RPS6KA2: variants seen among roughly 807,000 people sequenced by gnomAD.
RPS6KA2 encodes the protein ribosomal protein S6 kinase A2, also known as ribosomal protein S6 kinase alpha-2.
Under a neutral mutation model 91.8 loss-of-function variants are expected in RPS6KA2, and 42 were observed. The observed-to-expected ratio is 0.46, with a 90% CI of 0.36 to 0.59. The LOEUF is 0.59. Ranked by LOEUF, RPS6KA2 falls within the 20% of genes least tolerant of loss-of-function variation. The pLI is 0.00. For synonymous variants in RPS6KA2, 414 were observed against 393.6 expected, an observed-to-expected ratio of 1.05 and a Z score of -0.61; for missense variants, 798 against 978.5, an observed-to-expected ratio of 0.82 and a Z score of 2.46.
chr6:166,473,588 G>A (rs1188390460), intron 10 of RPS6KA2, among the ~76,000 whole-genome samples: 2 of 152,226 alleles, frequency 1.3e-5, no homozygotes, highest in African/African-American at 4.8e-5. Context: ...TAAATTCTCA[G>A]CAGGTGATTC....
intron 11 of RPS6KA2, among the ~76,000 whole-genome samples, chr6:166,463,766 A>G (rs1317634935): frequency 6.6e-6 from 1 of 152,224 alleles, no homozygotes; most frequent in African/African-American, 2.4e-5. Context: ...ACATTTATAG[A>G]TTATTCCTAA....
chr6:166,614,132 A>C (rs967140279), intron 1 of RPS6KA2, among the ~76,000 whole-genome samples: 3 of 152,204 alleles, frequency 2.0e-5, no homozygotes, highest in Non-Finnish European at 4.4e-5. Context: ...GTCTCCCTGG[A>C]CTGCCCTCTC....
At chr6:166,604,392 GAA>G (rs560497827) in intron 1 of RPS6KA2, among the ~76,000 whole-genome samples, 1 of 146,396 alleles carries the variant, frequency 6.8e-6, no homozygotes, top group African/African-American at 2.5e-5. Context: ...GTGGAAAACT[GAA>G]AAAAAAAAAA....
intron 2 of RPS6KA2, among the ~76,000 whole-genome samples, chr6:166,652,087 A>G (rs1401174720): frequency 6.6e-6 from 1 of 152,270 alleles, no homozygotes; most frequent in Non-Finnish European, 1.5e-5. Flanking sequence ...TGATGAGAAT[A>G]CTGTTTTTTG....
chr6:166,817,226 G>T (rs537052910), intron 2 of RPS6KA2, among the ~76,000 whole-genome samples: 2 of 152,206 alleles, frequency 1.3e-5, no homozygotes, highest in East Asian at 3.9e-4. Flanking sequence ...CATGATTAAA[G>T]CTCTAAATTT....
chr6:166,842,202 G>T (rs1182811885), intron 2 of RPS6KA2, among the ~76,000 whole-genome samples: 1 of 152,214 alleles, frequency 6.6e-6, no homozygotes, highest in Non-Finnish European at 1.5e-5. Context: ...TCTGCTAGGG[G>T]TCGAATTATG....
At chr6:166,765,666 G>A (rs1490101755) in intron 2 of RPS6KA2, among the ~76,000 whole-genome samples, 1 of 152,168 alleles carries the variant, frequency 6.6e-6, no homozygotes, top group African/African-American at 2.4e-5. Flanking sequence ...TGTGGAGCTG[G>A]CATTTAAAGA....
At chr6:166,600,092 C>T (rs533938103) in intron 1 of RPS6KA2, among the ~76,000 whole-genome samples, 3 of 152,274 alleles carry the variant, frequency 2.0e-5, no homozygotes, top group East Asian at 3.9e-4. Flanking sequence ...ACTGCAGCCT[C>T]GAACTCTTGG....
intron 11 of RPS6KA2, among the ~76,000 whole-genome samples, chr6:166,464,341 C>T (rs1780440878): frequency 6.6e-6 from 1 of 152,176 alleles, no homozygotes; most frequent in Admixed American, 6.5e-5. Flanking sequence ...CATCTCACAG[C>T]ATCACAGCTA....
In RPS6KA2 at chr6:166,627,071, G is replaced by T; in HGVS notation, c.-52C>A. ...GCAGGGCCGGGGGACGCGCATCCCC[G>T]GCATCCCAGGCGCGGGGCTCAGGTC... On this transcript the variant is annotated 5_prime_UTR_variant, in exon 1 of 21. Transcript: ENST00000265678. 7.6e-7 allele frequency: 1 copy of T among 1,308,014 alleles called. No individual in the cohort carries two copies. The highest frequency in any genetic ancestry group is 2.1e-5 in the South Asian group (1 of 47,388). The allele number at this position is 1,308,014 out of a possible 1,614,324, so 81.0% of individuals were successfully genotyped here. A position where few individuals can be genotyped will look rare whatever the true frequency, so the allele number is the denominator to read the frequency against.
intron 2 of RPS6KA2, among the ~76,000 whole-genome samples, chr6:166,649,574 A>G (rs201229703): frequency 6.6e-6 from 1 of 152,220 alleles, no homozygotes; most frequent in Non-Finnish European, 1.5e-5. Flanking sequence ...TTCTGAGGCC[A>G]ATGGTCTTTT....
chr6:166,627,947 G>C (rs1309699063), upstream of RPS6KA2: 1 of 152,150 alleles, frequency 6.6e-6, no homozygotes, highest in Non-Finnish European at 1.5e-5. Context: ...CCGCGGAACC[G>C]GCGCCTTCCC....
At chr6:166,789,035 G>A (rs548081977) in intron 2 of RPS6KA2, among the ~76,000 whole-genome samples, 9 of 152,246 alleles carry the variant, frequency 5.9e-5, no homozygotes, top group South Asian at 2.1e-4. Flanking sequence ...GCAGCATACC[G>A]TGCGCGAGCT....
intron 1 of RPS6KA2, among the ~76,000 whole-genome samples, chr6:166,592,674 C>T (rs1010792056): frequency 2.4e-5 from 3 of 125,406 alleles, no homozygotes; most frequent in Non-Finnish European, 3.3e-5. Context: ...GCAGCCACCG[C>T]ACAGAACTGT....
chr6:166,679,958 G>A lies in RPS6KA2; in HGVS notation c.124-141174C>T, dbSNP rs184453191. ...AGTCCCTCGGCAGTGCCAGTGAGAGGTGAAGCCAGCTGGGCTTCTGGGATG... is the reference window on the plus strand; with the variant it reads ...AGTCCCTCGGCAGTGCCAGTGAGAGATGAAGCCAGCTGGGCTTCTGGGATG... On this transcript the variant is annotated intron_variant, in intron 2 of 21. Transcript: ENST00000503859. Among the ~76,000 whole-genome samples the A allele has an allele frequency of 9.3e-4, 141 of 152,376 alleles. No homozygotes were observed. The Middle Eastern group carries it at 0.01, about 11-fold the overall frequency.
chr6:166,455,306 C>T (rs909916035), intron 12 of RPS6KA2, among the ~76,000 whole-genome samples: 3 of 152,114 alleles, frequency 2.0e-5, no homozygotes, highest in Non-Finnish European at 4.4e-5. Flanking sequence ...GCCCAGGAGC[C>T]GGGCCCCACG....
At chr6:166,502,485 C>A (rs1232234252) in intron 6 of RPS6KA2, among the ~76,000 whole-genome samples, 1 of 152,046 alleles carries the variant, frequency 6.6e-6, no homozygotes, top group East Asian at 1.9e-4. Context: ...CTGTAAGGAT[C>A]ACGCTGACCT....
chr6:166,681,555 C>T (rs1315167338), intron 2 of RPS6KA2, among the ~76,000 whole-genome samples: 3 of 152,030 alleles, frequency 2.0e-5, no homozygotes, highest in Non-Finnish European at 4.4e-5. Flanking sequence ...GAAGGCTGAG[C>T]TCTCTCCCTG....
In RPS6KA2 at chr6:166,735,695, A is replaced by C. The variant is rs184945002; in HGVS notation, c.123+122505T>G. On this transcript the variant is annotated intron_variant, in intron 2 of 21. Transcript: ENST00000503859. ...CAATAGGGTTCAAGTTCCTATGAGA[A>C]TCTAATGCTGCTGCTGACCTGATAG... 2.8e-4 allele frequency among the ~76,000 whole-genome samples: 43 copies of C among 152,272 alleles called. No homozygotes were observed. In the East Asian group the frequency reaches 8.3e-3, roughly 29 times the overall value.
Sources: gnomAD v4.1 joint callset for allele counts (sites outside exome capture counted in the v4.1 genomes callset) on GRCh38, gnomAD v4.1.1 for gene constraint, MANE v1.5 for transcripts, NCBI Gene and HGNC (gene_info 2026-07-23, HGNC 2026-07-21) for gene names.